The following STX8 variants were observed in gnomAD, a reference collection of about 807,000 sequenced individuals.
The protein encoded by STX8 is syntaxin 8.
A neutral mutation model predicts 37.5 loss-of-function variants in STX8; 23 were observed. The observed-to-expected ratio is 0.61, with a 90% confidence interval of 0.44 to 0.87. STX8 has a LOEUF of 0.87. Among genes scored for constraint, STX8 ranks in the 40% least tolerant of loss-of-function variants. STX8 has a pLI of 0.00. For synonymous variants in STX8, 115 were observed against 99.1 expected (o/e 1.16, Z -0.95); for missense variants, 313 against 284.7 (o/e 1.10, Z -0.71).
intron 6 of STX8, among the ~76,000 whole-genome samples, chr17:9,446,247 C>A (rs188788222): frequency 6.6e-6 from 1 of 152,316 alleles, no homozygotes; most frequent in African/African-American, 2.4e-5. Context: ...AGAAGAATGC[C>A]TGGCACATAG....
intron 6 of STX8, among the ~76,000 whole-genome samples, chr17:9,436,247 A>G (rs1904427224): frequency 6.6e-6 from 1 of 151,208 alleles, no homozygotes; most frequent in South Asian, 2.1e-4. Context: ...TGGGGGGCTG[A>G]GGCAGGAGAA....
Position 9,465,195 on chromosome 17 carries a change from CT to C in STX8, c.541+26633del, listed in dbSNP as rs199749909. On this transcript the variant is annotated intron_variant, in intron 6 of 7. Coordinates refer to ENST00000306357, the MANE Select transcript of STX8 (RefSeq NM_004853.3). ...GGCAGAGGATTATTACTTGAAGTTG[CT>C]TTTTTTTTTTAACTGAGGAAATGTC... Among the ~76,000 whole-genome samples the C allele has an allele frequency of 1.6e-3, 230 of 145,040 alleles. 1 individual carries two copies. The highest frequency in any genetic ancestry group is 2.2e-3 in the African/African-American group (90 of 40,028).
At chr17:9,417,762 C>T (rs1913251161) in intron 6 of STX8, among the ~76,000 whole-genome samples, 1 of 152,088 alleles carries the variant, frequency 6.6e-6, no homozygotes, top group South Asian at 2.1e-4. Flanking sequence ...AAATGGCCAA[C>T]GATGTAATCA....
chr17:9,420,819 C>T (rs1300473883), intron 6 of STX8, among the ~76,000 whole-genome samples: 1 of 152,174 alleles, frequency 6.6e-6, no homozygotes, highest in African/African-American at 2.4e-5. Flanking sequence ...TGAGAGTTTG[C>T]ACTCTCGTTT....
chr17:9,491,761 C>CA, intron 6 of STX8, 68 bp downstream of exon 6: 1 of 1,351,886 alleles, frequency 7.4e-7, no homozygotes, highest in African/African-American at 1.4e-5. Context: ...TAAACTCATT[C>CA]AACAAATGCT....
intron 7 of STX8, among the ~76,000 whole-genome samples, chr17:9,275,875 GA>G (rs1393110349): frequency 4.3e-5 from 6 of 139,620 alleles, no homozygotes; most frequent in Non-Finnish European, 4.7e-5. Flanking sequence ...CTCAAAAAAA[GA>G]AAAAAAAGAA....
intron 7 of STX8, among the ~76,000 whole-genome samples, chr17:9,312,262 C>T (rs551919246): frequency 1.3e-5 from 2 of 151,450 alleles, no homozygotes; most frequent in Admixed American, 6.6e-5. Flanking sequence ...AGTGCAGTGG[C>T]GTGATCTTGG....
intron 7 of STX8, among the ~76,000 whole-genome samples, chr17:9,296,549 G>A: frequency 6.7e-6 from 1 of 148,322 alleles, no homozygotes. Context: ...GTTATGACAT[G>A]ATTAATTAAT....
At chr17:9,369,886 C>CAAAAAAAAAAAAAAAAAAAAAAAAAA (rs60178482) in intron 7 of STX8, among the ~76,000 whole-genome samples, 1 of 52,154 alleles carries the variant, frequency 1.9e-5, no homozygotes, top group Non-Finnish European at 3.7e-5. Flanking sequence ...GACCCTGTAC[C>CAAAAAAAAAAAAAAAAAAAAAAAAAA]AAAAAAAAAA....
At chr17:9,488,821 A>AGT (rs71135988) in intron 6 of STX8, among the ~76,000 whole-genome samples, 1,843 of 143,810 alleles carry the variant, frequency 0.013, 27 homozygotes, top group East Asian at 0.048. Flanking sequence ...AGAGAGAGAG[A>AGT]GTGTGTGTGT....
At chr17:9,378,916 G>C (rs760375719) in intron 6 of STX8, among the ~76,000 whole-genome samples, 26 of 152,038 alleles carry the variant, frequency 1.7e-4, no homozygotes, top group Non-Finnish European at 3.2e-4. Context: ...ATGACCTGCC[G>C]AATTTATGCC....
chr17:9,416,776 T>C (rs191208104), intron 6 of STX8, among the ~76,000 whole-genome samples: 1 of 152,264 alleles, frequency 6.6e-6, no homozygotes, highest in Admixed American at 6.5e-5. Flanking sequence ...CCCATGAGAT[T>C]AGGATTATGC....
At chr17:9,335,658 C>T (rs115490758) in intron 7 of STX8, among the ~76,000 whole-genome samples, 1,659 of 152,174 alleles carry the variant, frequency 0.011, 34 homozygotes, top group African/African-American at 0.038. Flanking sequence ...CATTTTTCTA[C>T]AGTAAATTGA....
At chr17:9,318,425 A>G (rs1909461070) in intron 7 of STX8, among the ~76,000 whole-genome samples, 1 of 152,212 alleles carries the variant, frequency 6.6e-6, no homozygotes, top group African/African-American at 2.4e-5. Context: ...TATTGTACCC[A>G]TAAAAATAAT....
intron 7 of STX8, among the ~76,000 whole-genome samples, chr17:9,320,317 A>G (rs867731312): frequency 6.6e-6 from 1 of 150,424 alleles, no homozygotes; most frequent in African/African-American, 2.5e-5. Context: ...TGGGTGACAG[A>G]GCAAGACTCC....
chr17:9,476,625 A>C (rs376823684), intron 6 of STX8, among the ~76,000 whole-genome samples: 2 of 151,562 alleles, frequency 1.3e-5, no homozygotes, highest in East Asian at 3.9e-4. Context: ...GCTAATTTTT[A>C]TATTTTTAGT....
At chr17:9,447,570 C>T (rs1904894905) in intron 6 of STX8, among the ~76,000 whole-genome samples, 1 of 152,052 alleles carries the variant, frequency 6.6e-6, no homozygotes, top group Non-Finnish European at 1.5e-5. Flanking sequence ...TTACAGGCAC[C>T]TGCCACCATA....
chr17:9,495,106 T>G (rs1904336395), intron 5 of STX8, among the ~76,000 whole-genome samples: 1 of 152,198 alleles, frequency 6.6e-6, no homozygotes, highest in South Asian at 2.1e-4. Context: ...CAAACTTAGC[T>G]CTTTAATTCA....
intron 6 of STX8, among the ~76,000 whole-genome samples, chr17:9,409,605 A>T (rs1597653881): frequency 6.6e-6 from 1 of 152,310 alleles, no homozygotes; most frequent in East Asian, 1.9e-4. Context: ...GGCATATACT[A>T]TTATGTCACT....
Sources: allele counts gnomAD v4.1 joint callset (sites outside exome capture counted in the v4.1 genomes callset), GRCh38; gene constraint gnomAD v4.1.1; transcripts MANE v1.5; gene names NCBI Gene and HGNC (gene_info 2026-07-23, HGNC 2026-07-21).